Variants in TARDBP observed in about 807,000 individuals in gnomAD.
TARDBP encodes TAR DNA binding protein.
A neutral mutation model predicts 38.3 loss-of-function variants in TARDBP; 4 were observed. That is an observed-to-expected ratio of 0.10 (90% CI 0.05 to 0.24). The LOEUF (loss-of-function observed/expected upper bound fraction) is 0.24, where lower values mean the gene tolerates loss of function less well. Ranked by LOEUF, TARDBP falls within the 10% of genes least tolerant of loss-of-function variation. The pLI is 1.00. For missense variants in TARDBP, 202 were observed against 521.9 expected, an observed-to-expected ratio of 0.39 and a Z score of 5.97; for synonymous variants, 184 against 183.8, an observed-to-expected ratio of 1.00 and a Z score of -0.01.
downstream of TARDBP, chr1:11,026,117 A>G (rs1298621123): frequency 6.5e-6 from 1 of 154,564 alleles, no homozygotes; most frequent in African/African-American, 2.4e-5. Flanking sequence ...GTTATTTCCA[A>G]TTGCTGGGAA....
At chr1:11,029,250 T>A (rs988951525), downstream of TARDBP, among the ~76,000 whole-genome samples, 1 of 152,008 alleles carries the variant, frequency 6.6e-6, no homozygotes, top group Non-Finnish European at 1.5e-5. Flanking sequence ...TCTTTCCGCC[T>A]TGGCCTCCCA....
intron 4 of TARDBP, 168 bp downstream of exon 4, chr1:11,019,041 T>C (rs1643583700): frequency 1.2e-6 from 1 of 822,528 alleles, no homozygotes. Context: ...TTTATGCTTG[T>C]TTGAAATATT....
In TARDBP at chr1:11,013,763, C is replaced by T. The variant is rs565091566; in HGVS notation, c.36C>T (p.Asn12=). 202 of 1,612,624 alleles carry T rather than the reference C, an allele frequency of 1.3e-4. No homozygotes were observed. Among genetic ancestry groups the T allele is most frequent in the Non-Finnish European group, 1.6e-4 (194 of 1,179,180 alleles). The part of the protein sequence containing the change: ...SEYIRVTEDE[N]DEPIEIPSED... ...ATATTCGGGTAACCGAAGATGAGAA[C>T]GATGAGCCCATTGAAATACCATCGG... Residue 12 remains asparagine (N), a synonymous_variant, in exon 2 of 6, where the codon AAC becomes AAT. Transcript: ENST00000240185.
chr1:11,014,209 G>A (rs1256603130), intron 2 of TARDBP, among the ~76,000 whole-genome samples: 1 of 152,196 alleles, frequency 6.6e-6, no homozygotes, highest in Non-Finnish European at 1.5e-5. Context: ...CCAAGTTGAT[G>A]ATAAATTTCA....
Position 11,012,693 on chromosome 1 carries a change from T to G in TARDBP, c.-63T>G, listed in dbSNP as rs1643430332. On this transcript the variant is annotated 5_prime_UTR_variant, in exon 1 of 6. Coordinates refer to ENST00000240185, the MANE Select transcript of TARDBP (RefSeq NM_007375.4). Reference sequence around the variant, plus strand: ...AAGCGGTGGCTGGGCTGCGCTTGGGTCCGTCGCTGCTTCGGTGTCCCTGTC... The same window carrying G: ...AAGCGGTGGCTGGGCTGCGCTTGGGGCCGTCGCTGCTTCGGTGTCCCTGTC... The G allele has an allele frequency of 6.6e-6, 1 of 152,180 alleles. No individual in the cohort carries two copies. Among genetic ancestry groups the G allele is most frequent in the Non-Finnish European group, 1.5e-5 (1 of 68,042 alleles). The allele number at this position is 152,180 out of a possible 1,614,324, so 9.4% of individuals were successfully genotyped here.
chr1:11,027,178 T>C, downstream of TARDBP: 1 of 1,614,236 alleles, frequency 6.2e-7, no homozygotes, highest in Non-Finnish European at 8.5e-7. Context: ...ACAATCGGTA[T>C]GTCGACATAC....
chr1:11,028,253 A>T (rs1445906455), downstream of TARDBP, among the ~76,000 whole-genome samples: 1 of 152,186 alleles, frequency 6.6e-6, no homozygotes, highest in Non-Finnish European at 1.5e-5. Flanking sequence ...TAACAGGGCA[A>T]GCAGGCATTG....
downstream of TARDBP, among the ~76,000 whole-genome samples, chr1:11,028,179 C>G (rs573098511): frequency 3.4e-4 from 52 of 152,052 alleles, 1 homozygote; most frequent in South Asian, 9.1e-3. Context: ...ACAAGTCACA[C>G]CACTGCACTC....
At chr1:11,029,181 T>C (rs1353979847), downstream of TARDBP, among the ~76,000 whole-genome samples, 2 of 142,408 alleles carry the variant, frequency 1.4e-5, no homozygotes. Flanking sequence ...TTTTTTTTTT[T>C]AGTAGAGACG....
At chr1:11,030,423 G>T (rs1643824684), downstream of TARDBP, 2 of 596,736 alleles carry the variant, frequency 3.4e-6, no homozygotes, top group Non-Finnish European at 2.9e-6. Context: ...TACCATGTTT[G>T]CTTGCAAAGT....
chr1:11,017,319 C>T (rs986667432), intron 3 of TARDBP, among the ~76,000 whole-genome samples: 5 of 150,720 alleles, frequency 3.3e-5, no homozygotes, highest in Non-Finnish European at 5.9e-5. Flanking sequence ...TTTCTCCTGT[C>T]TCGGCCTCCT....
intron 5 of TARDBP, among the ~76,000 whole-genome samples, chr1:11,021,087 G>A (rs1218120233): frequency 6.6e-6 from 1 of 151,756 alleles, no homozygotes; most frequent in African/African-American, 2.4e-5. Context: ...AAATCTAAAA[G>A]TAAATATGCC....
downstream of TARDBP, chr1:11,026,928 A>T: frequency 6.6e-7 from 1 of 1,507,666 alleles, no homozygotes; most frequent in Non-Finnish European, 8.9e-7. Flanking sequence ...AATATAGTTA[A>T]TAACTTTTGT....
In TARDBP at chr1:11,024,728, T is replaced by G. The variant is rs1643698270; in HGVS notation, c.*2074T>G. 1 of 152,694 alleles carries G rather than the reference T, an allele frequency of 6.5e-6. No individual in the cohort carries two copies. Among genetic ancestry groups the G allele is most frequent in the South Asian group, 2.1e-4 (1 of 4,834 alleles). The allele number at this position is 152,694 out of a possible 1,614,324, so 9.5% of individuals were successfully genotyped here. ...GGGAATGTGGTAACATTGAATACAG[T>G]TGAATAAAATCGCTTACAAAACTCA... On this transcript the variant is annotated 3_prime_UTR_variant, in exon 6 of 6. Transcript: ENST00000240185.
Position 11,024,183 on chromosome 1 carries a change from T to G in TARDBP, c.*1529T>G, listed in dbSNP as rs1643689084. 1 of 152,638 alleles carries G rather than the reference T, an allele frequency of 6.6e-6. No homozygotes were observed. The highest frequency in any genetic ancestry group is 6.6e-5 in the Admixed American group (1 of 15,266). 9.5% of individuals were successfully genotyped at this position (152,638 alleles called of 1,614,324 possible). ...CTTCAAATAAACTTATTTGAAAAGTTGTCTCAAGTCAAATGGATTCATCAC... is the reference window on the plus strand; with the variant it reads ...CTTCAAATAAACTTATTTGAAAAGTGGTCTCAAGTCAAATGGATTCATCAC... On this transcript the variant is annotated 3_prime_UTR_variant, in exon 6 of 6. Transcript: ENST00000240185.
chr1:11,027,254 T>C, downstream of TARDBP: 1 of 1,614,234 alleles, frequency 6.2e-7, no homozygotes, highest in Non-Finnish European at 8.5e-7. Context: ...CAATGTCATC[T>C]GTCCTCATAA....
rs1161609026 is a variant in TARDBP, at chr1:11,023,792, GAT to G, written c.*1141_*1142del. The stretch of plus-strand genomic sequence containing the variant: ...ATGGTGTGTGTTCTCTTCTGTTACT[GAT>G]ATGTAAGTGTGGCAATGTGAACTGA... On this transcript the variant is annotated 3_prime_UTR_variant, in exon 6 of 6. Transcript: ENST00000240185. 1 of 153,648 alleles carries G rather than the reference GAT, an allele frequency of 6.5e-6. No individual in the cohort carries two copies. The highest frequency in any genetic ancestry group is 2.4e-5 in the African/African-American group (1 of 41,446). 9.5% of individuals were successfully genotyped at this position (153,648 alleles called of 1,614,324 possible). A position where few individuals can be genotyped will look rare whatever the true frequency, so the allele number is the denominator to read the frequency against.
downstream of TARDBP, chr1:11,026,909 G>C: frequency 6.7e-7 from 1 of 1,483,746 alleles, no homozygotes; most frequent in Non-Finnish European, 8.9e-7. Context: ...TTATGTTCTC[G>C]ATCCAGGGAA....
At position 11,023,121 on chromosome 1, in the gene TARDBP, GT is replaced by G; in HGVS notation, c.*471del. 6.5e-7 allele frequency: 1 copy of G among 1,534,822 alleles called. No homozygotes were observed. The highest frequency in any genetic ancestry group is 2.0e-5 in the Admixed American group (1 of 49,942). ...TGGTGTCACAGTGTTTGGTTCTTTT[GT>G]TTTGTTTTTTAACACTTGTCTCCCC... On this transcript the variant is annotated 3_prime_UTR_variant, in exon 6 of 6. Transcript: ENST00000240185.
Sources: gnomAD v4.1 joint callset for allele counts (sites outside exome capture counted in the v4.1 genomes callset) on GRCh38, gnomAD v4.1.1 for gene constraint, MANE v1.5 for transcripts, NCBI Gene and HGNC (gene_info 2026-07-23, HGNC 2026-07-21) for gene names.